TMEM74: variants seen among roughly 807,000 people sequenced by gnomAD.
TMEM74 encodes transmembrane protein 74.
In TMEM74, 13 loss-of-function variants were observed where a neutral mutation model predicts 18.1. The ratio of observed to expected loss-of-function variants is 0.72; its 90% CI spans 0.47 to 1.14. The LOEUF is 1.14. Ranked by LOEUF, TMEM74 falls within the 50% of genes most tolerant of loss-of-function variation. The pLI is 0.00. For missense variants in TMEM74, 372 were observed against 375.9 expected, an observed-to-expected ratio of 0.99 and a Z score of 0.09; for synonymous variants, 159 against 146.6, an observed-to-expected ratio of 1.08 and a Z score of -0.61.
rs527577999 is a variant in TMEM74 at position 108,716,794 on chromosome 8, CA to C, written n.120-61358del. ...AGTCTCTTTAAGAATTAAAAAAAAA[CA>C]AAAAATACATGTAAAATATATTCAA... On this transcript the variant is annotated intron_variant and non_coding_transcript_variant, in intron 1 of 3. Coordinates refer to the TMEM74 transcript ENST00000518838. Among the ~76,000 whole-genome samples the C allele has an allele frequency of 4.5e-4, 67 of 148,826 alleles. 1 individual carries two copies. In the South Asian group the frequency reaches 0.013, roughly 30 times the overall value.
In TMEM74 at chr8:108,668,545, G is replaced by T. The variant is rs145047834; in HGVS notation, n.120-13108C>A. Reference sequence around the variant, plus strand: ...TGTGTCTACTGGCCCTGTGAGATAAGCCTGACAGCTACACTTATTCCCATT... The same window carrying T: ...TGTGTCTACTGGCCCTGTGAGATAATCCTGACAGCTACACTTATTCCCATT... On this transcript the variant is annotated intron_variant and non_coding_transcript_variant, in intron 1 of 3. Transcript: ENST00000518838. Among the ~76,000 whole-genome samples, 9 of 152,160 alleles carry T rather than the reference G, an allele frequency of 5.9e-5. No homozygotes were observed. In the East Asian group the frequency reaches 1.7e-3, roughly 29 times the overall value.
chr8:108,698,414 C>CAG (rs1201195720), intron 1 of TMEM74, among the ~76,000 whole-genome samples: 1 of 152,170 alleles, frequency 6.6e-6, no homozygotes, highest in Non-Finnish European at 1.5e-5. Flanking sequence ...GTTACTTGAA[C>CAG]TCTCTAGGAA....
chr8:108,776,486 C>G (rs1814234906), downstream of TMEM74, among the ~76,000 whole-genome samples: 1 of 152,206 alleles, frequency 6.6e-6, no homozygotes, highest in Non-Finnish European at 1.5e-5. Context: ...GAGTGAGATT[C>G]TGTCTTAAAA....
At chr8:108,670,088 T>C (rs982278917) in intron 1 of TMEM74, among the ~76,000 whole-genome samples, 3 of 151,334 alleles carry the variant, frequency 2.0e-5, no homozygotes, top group African/African-American at 4.9e-5. Flanking sequence ...CTTTTCTTTA[T>C]ATTCATTTTT....
At chr8:108,613,822 G>T (rs935305655) in intron 2 of TMEM74, among the ~76,000 whole-genome samples, 1 of 152,114 alleles carries the variant, frequency 6.6e-6, no homozygotes, top group Non-Finnish European at 1.5e-5. Flanking sequence ...TCCTAATGAG[G>T]AGTATAAACT....
At chr8:108,756,511 C>A (rs183106804) in intron 1 of TMEM74, among the ~76,000 whole-genome samples, 1 of 128,016 alleles carries the variant, frequency 7.8e-6, no homozygotes, top group Non-Finnish European at 1.6e-5. Flanking sequence ...AGATGCATAT[C>A]CGCAAATTTA....
At chr8:108,615,420 C>T (rs1351814057) in intron 2 of TMEM74, among the ~76,000 whole-genome samples, 1 of 152,210 alleles carries the variant, frequency 6.6e-6, no homozygotes, top group Non-Finnish European at 1.5e-5. Flanking sequence ...TAAACCAAAG[C>T]CCTTGGACAG....
intron 2 of TMEM74, among the ~76,000 whole-genome samples, chr8:108,615,396 A>G (rs1812373035): frequency 6.6e-6 from 1 of 152,132 alleles, no homozygotes; most frequent in South Asian, 2.1e-4. Context: ...ACTCACCTCA[A>G]CCTTCCAACC....
In TMEM74 at chr8:108,780,897, A is replaced by G. The variant is rs1032324414; in HGVS notation, c.*3284T>C. On this transcript the variant is annotated 3_prime_UTR_variant, in exon 2 of 2. Transcript: ENST00000297459. ...CTTTAAGAGCTCCCAATGGGTGGGA[A>G]GGACACACAGCGCTGCAAAGAAAAC... is the stretch of plus-strand genomic sequence containing the variant. 6.6e-6 allele frequency among the ~76,000 whole-genome samples: 1 copy of G among 152,162 alleles called. No homozygotes were observed. The highest frequency in any genetic ancestry group is 1.5e-5 in the Non-Finnish European group (1 of 68,018).
At chr8:108,713,198 A>T (rs553901852) in intron 1 of TMEM74, among the ~76,000 whole-genome samples, 67 of 152,302 alleles carry the variant, frequency 4.4e-4, no homozygotes, top group South Asian at 4.4e-3. Context: ...TTGGCTAAAA[A>T]TTTAGCAACT....
At position 108,780,845 on chromosome 8, in the gene TMEM74, G is replaced by T. The variant is rs1229834295; in HGVS notation, c.*3336C>A. Among the ~76,000 whole-genome samples the T allele has an allele frequency of 6.6e-6, 1 of 152,072 alleles. No individual in the cohort carries two copies. The highest frequency in any genetic ancestry group is 1.5e-5 in the Non-Finnish European group (1 of 68,020). On this transcript the variant is annotated 3_prime_UTR_variant, in exon 2 of 2. Coordinates refer to ENST00000297459, the MANE Select transcript of TMEM74 (RefSeq NM_153015.3). The stretch of plus-strand genomic sequence containing the variant: ...ACGAAAAGCTGTTCTTTATATGAGG[G>T]GCCAGTACATCTTATTATGTGATCT...
chr8:108,625,185 G>A (rs1461983614), intron 2 of TMEM74, among the ~76,000 whole-genome samples: 1 of 151,906 alleles, frequency 6.6e-6, no homozygotes, highest in Non-Finnish European at 1.5e-5. Context: ...TTGCATATTT[G>A]TTAATCATGT....
At chr8:108,754,918 C>T (rs1445950599) in intron 1 of TMEM74, among the ~76,000 whole-genome samples, 1 of 151,934 alleles carries the variant, frequency 6.6e-6, no homozygotes, top group African/African-American at 2.4e-5. Flanking sequence ...CTTCTTTCCT[C>T]TGCCTTTTTG....
At chr8:108,695,505 G>A (rs1439635044) in intron 1 of TMEM74, among the ~76,000 whole-genome samples, 1 of 152,164 alleles carries the variant, frequency 6.6e-6, no homozygotes, top group East Asian at 1.9e-4. Flanking sequence ...CTATGTCATA[G>A]TTACAATTTT....
At chr8:108,699,068 C>T (rs965073949) in intron 1 of TMEM74, among the ~76,000 whole-genome samples, 4 of 151,800 alleles carry the variant, frequency 2.6e-5, no homozygotes, top group East Asian at 3.9e-4. Context: ...CCAGGCATTG[C>T]CCTTCTTTCT....
At chr8:108,722,440 A>T (rs1445755871) in intron 1 of TMEM74, among the ~76,000 whole-genome samples, 2 of 152,192 alleles carry the variant, frequency 1.3e-5, no homozygotes, top group East Asian at 3.9e-4. Flanking sequence ...CTGAACACTG[A>T]CCAAAACTTT....
At chr8:108,767,647 T>G (rs1252984998) in intron 1 of TMEM74, among the ~76,000 whole-genome samples, 1 of 152,208 alleles carries the variant, frequency 6.6e-6, no homozygotes, top group Non-Finnish European at 1.5e-5. Flanking sequence ...TTTGTAACTT[T>G]GATCAAATAT....
chr8:108,652,681 G>C (rs1257870726), intron 2 of TMEM74: 1 of 581,708 alleles, frequency 1.7e-6, no homozygotes. Flanking sequence ...GAAAATCCAG[G>C]AATCTGCCCC....
chr8:108,784,817 T>C lies in TMEM74; in HGVS notation c.282A>G (p.Thr94=), dbSNP rs374942962. ...GLLHSGNNQI[T]AERKVCNCCS... is the part of the protein sequence containing the mutation. Reference sequence around the variant, plus strand: ...AGCAGTTACAGACTTTCCGTTCCGCTGTTATTTGGTTGTTCCCTGAGTGGA... The same window carrying C: ...AGCAGTTACAGACTTTCCGTTCCGCCGTTATTTGGTTGTTCCCTGAGTGGA... The change falls in exon 2 of 2, where the codon ACA becomes ACG. Residue 94 remains threonine, a synonymous_variant. Transcript: ENST00000297459. 7 of 1,614,090 alleles carry C rather than the reference T, an allele frequency of 4.3e-6. No homozygotes were observed. The highest frequency in any genetic ancestry group is 1.3e-5 in the African/African-American group (1 of 74,940).
Sources: gnomAD v4.1 joint callset for allele counts (sites outside exome capture counted in the v4.1 genomes callset) on GRCh38, gnomAD v4.1.1 for gene constraint, MANE v1.5 for transcripts, NCBI Gene and HGNC (gene_info 2026-07-23, HGNC 2026-07-21) for gene names.